Variants in THSD4 observed in about 807,000 individuals in gnomAD.
The protein encoded by THSD4 is thrombospondin type-1 domain-containing protein 4.
Under a neutral mutation model 119.0 loss-of-function variants are expected in THSD4, and 69 were observed. The ratio of observed to expected loss-of-function variants is 0.58; its 90% confidence interval spans 0.48 to 0.71. THSD4 has a LOEUF of 0.71. Among genes scored for constraint, THSD4 ranks in the 30% least tolerant of loss-of-function variants. THSD4 has a pLI of 0.00. For missense variants in THSD4, 1,393 were observed against 1,391.1 expected (o/e 1.00, Z -0.02); for synonymous variants, 524 against 540.4 (o/e 0.97, Z 0.42).
At chr15:71,635,039 C>G (rs2050713158) in intron 7 of THSD4, among the ~76,000 whole-genome samples, 1 of 152,190 alleles carries the variant, frequency 6.6e-6, no homozygotes, top group Admixed American at 6.5e-5. Flanking sequence ...GCATGGCCTC[C>G]TGCTCACAAA....
chr15:71,500,912 G>C (rs1045636065), intron 7 of THSD4, among the ~76,000 whole-genome samples: 2 of 152,142 alleles, frequency 1.3e-5, no homozygotes, highest in Admixed American at 1.3e-4. Flanking sequence ...GGAAGTGTGA[G>C]GCCTCCAGCT....
intron 7 of THSD4, among the ~76,000 whole-genome samples, chr15:71,566,747 C>T (rs2049248053): frequency 6.6e-6 from 1 of 151,714 alleles, no homozygotes; most frequent in Non-Finnish European, 1.5e-5. Context: ...CCCTCTTTCC[C>T]CCTGCTCCCC....
intron 6 of THSD4, among the ~76,000 whole-genome samples, chr15:71,339,412 T>G (rs2045533595): frequency 6.6e-6 from 1 of 152,132 alleles, no homozygotes; most frequent in Non-Finnish European, 1.5e-5. Context: ...AACCGTCACC[T>G]CTGTACTTTG....
upstream of THSD4, chr15:71,111,355 A>T (rs201901254): frequency 2.4e-4 from 387 of 1,613,756 alleles, 1 homozygote; most frequent in Non-Finnish European, 3.2e-4. Context: ...GTTGTGGGTT[A>T]CAGGTCAAGT....
chr15:71,635,615 T>C (rs1277419302), intron 7 of THSD4, among the ~76,000 whole-genome samples: 1 of 152,218 alleles, frequency 6.6e-6, no homozygotes, highest in Non-Finnish European at 1.5e-5. Flanking sequence ...CATGATCTTC[T>C]AGTTATCAAA....
chr15:71,303,979 C>G (rs2044988700), intron 6 of THSD4, among the ~76,000 whole-genome samples: 1 of 152,134 alleles, frequency 6.6e-6, no homozygotes, highest in African/African-American at 2.4e-5. Context: ...CTATGACCTT[C>G]AGGATCAGAG....
At chr15:71,359,074 G>A (rs753846408) in intron 6 of THSD4, among the ~76,000 whole-genome samples, 3 of 152,188 alleles carry the variant, frequency 2.0e-5, no homozygotes, top group Admixed American at 2.0e-4. Flanking sequence ...ACAAGTTAAC[G>A]TAATCCTCAG....
chr15:71,532,283 A>AGTGTGTGTGTGTGT (rs1210856261), intron 7 of THSD4, among the ~76,000 whole-genome samples: 5 of 101,572 alleles, frequency 4.9e-5, no homozygotes, highest in African/African-American at 1.4e-4. Context: ...AGAGAGAGAG[A>AGTGTGTGTGTGTGT]GTGTGTGTGT....
chr15:71,704,652 C>G (rs891531857), intron 8 of THSD4, among the ~76,000 whole-genome samples: 1 of 152,192 alleles, frequency 6.6e-6, no homozygotes, highest in Non-Finnish European at 1.5e-5. Context: ...TAATTCAGAG[C>G]TAAGTATTTA....
intron 6 of THSD4, among the ~76,000 whole-genome samples, chr15:71,324,497 T>A (rs1428679066): frequency 6.6e-6 from 1 of 152,164 alleles, no homozygotes; most frequent in East Asian, 1.9e-4. Flanking sequence ...GTTGATTATA[T>A]CACTCTGTAT....
chr15:71,543,450 G>A (rs73443837), intron 7 of THSD4, among the ~76,000 whole-genome samples: 5,631 of 152,160 alleles, frequency 0.037, 340 homozygotes, highest in African/African-American at 0.13. Flanking sequence ...TAGACCTGTT[G>A]GGGAGCTCTC....
chr15:71,166,424 A>G (rs1231658879), intron 3 of THSD4, among the ~76,000 whole-genome samples: 1 of 152,174 alleles, frequency 6.6e-6, no homozygotes, highest in African/African-American at 2.4e-5. Flanking sequence ...TTCTGGGGCA[A>G]TGCAGCCACA....
intron 5 of THSD4, among the ~76,000 whole-genome samples, chr15:71,253,439 C>T (rs1480884287): frequency 2.0e-5 from 3 of 151,634 alleles, no homozygotes. Flanking sequence ...ACAGAGTCTT[C>T]CTTTGTCGCC....
chr15:71,711,509 AAAAG>A (rs1289647684), intron 8 of THSD4, among the ~76,000 whole-genome samples: 1 of 152,158 alleles, frequency 6.6e-6, no homozygotes, highest in Non-Finnish European at 1.5e-5. Context: ...CAAGTACAAA[AAAAG>A]AAAGGAAAAA....
chr15:71,754,324 A>G (rs187560323), intron 14 of THSD4, among the ~76,000 whole-genome samples: 2 of 152,196 alleles, frequency 1.3e-5, no homozygotes, highest in African/African-American at 2.4e-5. Flanking sequence ...TCCTGACCTC[A>G]GGTGATCCAC....
chr15:71,508,558 A>AG (rs1365703188), intron 7 of THSD4, among the ~76,000 whole-genome samples: 1 of 148,788 alleles, frequency 6.7e-6, no homozygotes, highest in Non-Finnish European at 1.5e-5. Flanking sequence ...GGCCTGCGGC[A>AG]GGGGGTGGGG....
intron 7 of THSD4, among the ~76,000 whole-genome samples, chr15:71,605,347 T>C (rs1014568794): frequency 1.3e-5 from 2 of 152,226 alleles, no homozygotes; most frequent in Admixed American, 1.3e-4. Context: ...GTTCTAAGTA[T>C]AGGTCATGTA....
At chr15:71,536,885 A>G (rs975532554) in intron 7 of THSD4, among the ~76,000 whole-genome samples, 4 of 152,124 alleles carry the variant, frequency 2.6e-5, no homozygotes, top group Non-Finnish European at 4.4e-5. Context: ...TGTGGAAAAG[A>G]CTATTCTTCC....
At chr15:71,170,556 C>G (rs989796443) in intron 3 of THSD4, among the ~76,000 whole-genome samples, 3 of 152,186 alleles carry the variant, frequency 2.0e-5, no homozygotes, top group African/African-American at 7.2e-5. Context: ...AATGATTAAT[C>G]TGTTTCTAAA....
Sources: allele counts gnomAD v4.1 joint callset (sites outside exome capture counted in the v4.1 genomes callset), GRCh38; gene constraint gnomAD v4.1.1; transcripts MANE v1.5; gene names NCBI Gene and HGNC (gene_info 2026-07-23, HGNC 2026-07-21).